Variants in NPHP4 observed in about 807,000 individuals in gnomAD.
NPHP4 encodes the protein nephrocystin-4.
In NPHP4, 151 loss-of-function variants were observed where a neutral mutation model predicts 155.8. The observed-to-expected ratio is 0.97, with a 90% CI of 0.85 to 1.11. The LOEUF is 1.11. NPHP4 is among the 50% of genes least tolerant of loss of function. The pLI, the probability that NPHP4 is intolerant of heterozygous loss-of-function variation, is 0.00. For missense variants in NPHP4, 1,956 were observed against 1,925.7 expected (o/e 1.02, Z -0.29); for synonymous variants, 845 against 816.8 (o/e 1.03, Z -0.59).
intron 10 of NPHP4, 34 bp from the exon 11 acceptor site, chr1:5,927,821 C>A: frequency 6.3e-7 from 1 of 1,579,546 alleles, no homozygotes; most frequent in Non-Finnish European, 8.7e-7. Flanking sequence ...GATGGCCACT[C>A]CCTTCATCAG....
intron 5 of NPHP4, among the ~76,000 whole-genome samples, chr1:5,964,931 A>ATTTTTT (rs1188241159): frequency 1.7e-4 from 4 of 23,890 alleles, no homozygotes; most frequent in African/African-American, 1.4e-3. Flanking sequence ...ATATATATAT[A>ATTTTTT]TATATATATA....
chr1:5,880,376 G>C (rs145926393), intron 18 of NPHP4, 137 bp from the exon 19 acceptor site: 3 of 794,350 alleles, frequency 3.8e-6, no homozygotes, highest in Non-Finnish European at 6.0e-6. Context: ...CACCGCCTCT[G>C]TTTTGAATGT....
intron 7 of NPHP4, among the ~76,000 whole-genome samples, 177 bp from the exon 8 acceptor site, chr1:5,948,428 C>T (rs1053288570): frequency 9.9e-5 from 15 of 152,224 alleles, no homozygotes; most frequent in Non-Finnish European, 1.9e-4. Flanking sequence ...GCACCCAATC[C>T]CAGCCACTGG....
At chr1:5,961,719 C>A in intron 6 of NPHP4, 75 bp downstream of exon 6, 1 of 1,442,488 alleles carries the variant, frequency 6.9e-7, no homozygotes, top group Non-Finnish European at 9.5e-7. Context: ...CAGAAGAGCC[C>A]AGTGCCTTCA....
At chr1:5,931,289 C>T (rs1646257440) in intron 10 of NPHP4, among the ~76,000 whole-genome samples, 1 of 151,782 alleles carries the variant, frequency 6.6e-6, no homozygotes. Flanking sequence ...ACTACAGGTT[C>T]AGTTCCAAAC....
Position 5,904,801 on chromosome 1 carries a change from C to T in NPHP4, c.1959G>A (p.Val653=), listed in dbSNP as rs547101506. 1 of 1,613,930 alleles carries T rather than the reference C, an allele frequency of 6.2e-7. No individual in the cohort carries two copies. The highest frequency in any genetic ancestry group is 1.7e-5 in the Admixed American group (1 of 60,024). Residue 653 remains valine, a synonymous_variant, in exon 16 of 30, where the codon GTG becomes GTA. Coordinates refer to ENST00000378156, the MANE Select transcript of NPHP4 (RefSeq NM_015102.5). The part of the protein sequence containing the change: ...MVLQFLAFSR[V]AQDCRGTSWP... ...ATGATGTTCCTCGGCAGTCCTGGGCCACTCTGAATCCAACAACAGCTCTGG... is the reference window on the plus strand; with the variant it reads ...ATGATGTTCCTCGGCAGTCCTGGGCTACTCTGAATCCAACAACAGCTCTGG...
rs1650338697 is a variant in NPHP4 at position 5,961,660 on chromosome 1, C to A, written c.673+134G>T. ...CCTCCACTGTCCCCCACAACCCCCG[C>A]CAGGCCGTGCTGCTGAGCTGCAGAG... On this transcript the variant is annotated intron_variant, in intron 6 of 29. Transcript: ENST00000378156. The A allele has an allele frequency of 1.7e-5, 13 of 762,362 alleles. 1 individual carries two copies. The highest frequency in any genetic ancestry group is 3.7e-4 in the Middle Eastern group (1 of 2,712). The allele number at this position is 762,362 out of a possible 1,614,324, so 47.2% of individuals were successfully genotyped here. A position where few individuals can be genotyped will look rare whatever the true frequency, so the allele number is the denominator to read the frequency against.
At chr1:5,990,880 T>A (rs1229406981) in intron 1 of NPHP4, among the ~76,000 whole-genome samples, 1 of 152,196 alleles carries the variant, frequency 6.6e-6, no homozygotes, top group Non-Finnish European at 1.5e-5. Context: ...CTCCTTGAGA[T>A]CTCTGCTTCT....
At chr1:5,931,076 A>C (rs940500555) in intron 10 of NPHP4, among the ~76,000 whole-genome samples, 4 of 152,218 alleles carry the variant, frequency 2.6e-5, no homozygotes, top group African/African-American at 9.6e-5. Context: ...TAGTGTCAAT[A>C]GTAATATACC....
At chr1:5,947,706 A>C (rs1647184223) in intron 8 of NPHP4, among the ~76,000 whole-genome samples, 1 of 152,150 alleles carries the variant, frequency 6.6e-6, no homozygotes. Context: ...TTTGGGAAGC[A>C]CTGGATTAAA....
At chr1:5,919,534 G>C (rs1026952577) in intron 11 of NPHP4, among the ~76,000 whole-genome samples, 1 of 152,148 alleles carries the variant, frequency 6.6e-6, no homozygotes, top group African/African-American at 2.4e-5. Flanking sequence ...CAGACTCTCC[G>C]CAAGTCTTTG....
intron 9 of NPHP4, among the ~76,000 whole-genome samples, chr1:5,940,937 T>C (rs955102074): frequency 2.6e-5 from 4 of 152,148 alleles, no homozygotes; most frequent in Admixed American, 1.3e-4. Context: ...TTTTTGGAGC[T>C]AGACCTCTTG....
At chr1:5,901,364 C>T (rs1557689675) in intron 16 of NPHP4, among the ~76,000 whole-genome samples, 1 of 152,216 alleles carries the variant, frequency 6.6e-6, no homozygotes, top group Non-Finnish European at 1.5e-5. Context: ...CAGGGAGAAC[C>T]CTCCCACAAG....
At chr1:5,880,473 C>T (rs1643165775) in intron 18 of NPHP4, 5 of 515,294 alleles carry the variant, frequency 9.7e-6, no homozygotes, top group South Asian at 7.0e-5. Context: ...TGGCAGCCTC[C>T]GTTTCCTGGT....
Position 5,887,437 on chromosome 1 carries a change from C to T in NPHP4, c.2334G>A (p.Val778=), listed in dbSNP as rs777649697. ...KHLLRQGRPA[V]QASHELEVVA... ...CGACCTCAAGCTCGTGGGAGGCCTG[C>T]ACAGCCGGCCGGCCTTGGCGGAGGA... Residue 778 remains valine (V), a synonymous_variant, in exon 18 of 30, where the codon GTG becomes GTA. Transcript: ENST00000378156. 5.6e-6 allele frequency: 9 copies of T among 1,613,316 alleles called. No homozygotes were observed. Among genetic ancestry groups the T allele is most frequent in the South Asian group, 1.1e-5 (1 of 91,084 alleles).
In NPHP4 at chr1:5,890,741, AAAG is replaced by A; in HGVS notation, c.2304+124_2304+126del. ...GCAGCACTATTTTTAACGAGTGAAC[AAAG>A]AAGGTCAAACAAGTCCTGTGCGGGA... On this transcript the variant is annotated intron_variant, in intron 17 of 29. Transcript: ENST00000378156. This position sits in a 1 kb window ranked among gnomAD's most constrained non-coding sequence, Gnocchi z 4.9. 2.7e-6 allele frequency: 2 copies of A among 732,380 alleles called. No individual in the cohort carries two copies. Among genetic ancestry groups the A allele is most frequent in the Non-Finnish European group, 4.2e-6 (2 of 478,376 alleles). The allele number at this position is 732,380 out of a possible 1,614,324, so 45.4% of individuals were successfully genotyped here.
In NPHP4 at chr1:5,874,670, G is replaced by T; in HGVS notation, c.3045-13C>A. 6.2e-7 allele frequency: 1 copy of T among 1,609,714 alleles called. No individual in the cohort carries two copies. Among genetic ancestry groups the T allele is most frequent in the Admixed American group, 1.7e-5 (1 of 59,772 alleles). On this transcript the variant is annotated splice_polypyrimidine_tract_variant and intron_variant, in intron 21 of 29. Coordinates refer to ENST00000378156, the MANE Select transcript of NPHP4 (RefSeq NM_015102.5). ...GTCCACGATGACGCTGGGGGAGGCAGTGTCCAGGCGTCAGGGCAGTTCTTC... is the reference window on the plus strand; with the variant it reads ...GTCCACGATGACGCTGGGGGAGGCATTGTCCAGGCGTCAGGGCAGTTCTTC...
At chr1:5,865,617 A>C in intron 26 of NPHP4, 1 of 221,350 alleles carries the variant, frequency 4.5e-6, no homozygotes, top group Non-Finnish European at 8.9e-6. Flanking sequence ...GTCCACCCCC[A>C]ATAGGGGTTC....
At chr1:5,946,707 C>T (rs1468876001) in intron 9 of NPHP4, among the ~76,000 whole-genome samples, 1 of 152,230 alleles carries the variant, frequency 6.6e-6, no homozygotes, top group African/African-American at 2.4e-5. Flanking sequence ...CACAGAAAGA[C>T]CAAGGCAGGG....
Sources: gnomAD v4.1 joint callset for allele counts (sites outside exome capture counted in the v4.1 genomes callset) on GRCh38, gnomAD v4.1.1 for gene constraint, Gnocchi (gnomAD v3.1) non-coding constraint, MANE v1.5 for transcripts, NCBI Gene and HGNC (gene_info 2026-07-23, HGNC 2026-07-21) for gene names.